Variants in YAP1 observed in about 807,000 individuals in gnomAD.
The protein encoded by YAP1 is transcriptional coactivator YAP1.
YAP1 carries 5 observed loss-of-function variants against 56.9 expected under a neutral mutation model. That is an observed-to-expected ratio of 0.09 (90% CI 0.05 to 0.18). The LOEUF (loss-of-function observed/expected upper bound fraction) is 0.18. Ranked by LOEUF, YAP1 falls within the 10% of genes least tolerant of loss-of-function variation. The pLI, the probability that YAP1 is intolerant of heterozygous loss-of-function variation, is 1.00. For missense variants in YAP1, 539 were observed against 651.8 expected, an observed-to-expected ratio of 0.83 and a Z score of 1.88; for synonymous variants, 265 against 248.1, an observed-to-expected ratio of 1.07 and a Z score of -0.64.
At chr11:102,141,093 C>T (rs1944995425) in intron 2 of YAP1, among the ~76,000 whole-genome samples, 1 of 152,112 alleles carries the variant, frequency 6.6e-6, no homozygotes. Context: ...ATATACATTC[C>T]CTTAAGATTC....
Position 102,227,522 on chromosome 11 carries a change from G to T in YAP1, c.1217G>T (p.Ser406Ile). The T allele has an allele frequency of 6.2e-7, 1 of 1,614,058 alleles. No individual in the cohort carries two copies. The highest frequency in any genetic ancestry group is 8.5e-7 in the Non-Finnish European group (1 of 1,180,002). Residue 406 changes from serine to isoleucine, a missense_variant, in exon 8 of 9, where the codon AGC (serine) becomes ATC (isoleucine). Physicochemically the swap from Ser to Ile is moderately radical, Grantham distance 142. Coordinates refer to ENST00000282441, the MANE Select transcript of YAP1 (RefSeq NM_001130145.3). ...ACAGACAGTGGACTAAGCATGAGCA[G>T]CTACAGTGTCCCTCGAACCCCAGAT... ...ESTDSGLSMSSYSVPRTPDDF... is the reference protein window; with the variant it reads ...ESTDSGLSMSIYSVPRTPDDF...
chr11:102,193,194 T>G (rs1948387848), intron 4 of YAP1, among the ~76,000 whole-genome samples: 1 of 152,238 alleles, frequency 6.6e-6, no homozygotes, highest in African/African-American at 2.4e-5. Flanking sequence ...TAGAGATTGT[T>G]AGTAATTATT....
chr11:102,200,096 A>G (rs553436733), intron 4 of YAP1, among the ~76,000 whole-genome samples: 53 of 152,364 alleles, frequency 3.5e-4, no homozygotes, highest in African/African-American at 1.1e-3. Flanking sequence ...ACATATATAC[A>G]TGTATATAAC....
At chr11:102,164,153 T>C (rs1487402036) in intron 3 of YAP1, among the ~76,000 whole-genome samples, 1 of 151,852 alleles carries the variant, frequency 6.6e-6, no homozygotes, top group African/African-American at 2.4e-5. Flanking sequence ...TTCTCGCGCC[T>C]CAGCCTCCCG....
Position 102,111,090 on chromosome 11 carries a change from C to T in YAP1, c.242C>T (p.Pro81Leu), listed in dbSNP as rs750221817. The T allele has an allele frequency of 6.2e-7, 1 of 1,613,474 alleles. No individual in the cohort carries two copies. Among genetic ancestry groups the T allele is most frequent in the Admixed American group, 1.7e-5 (1 of 60,026 alleles). The change falls in exon 1 of 9, where the codon CCC becomes CTC. Residue 81 changes from proline to leucine, a missense_variant. Physicochemically the swap from Pro to Leu is moderately conservative, Grantham distance 98. This residue lies in a region of YAP1 where 414 missense variants were observed against 512.4 expected (regional missense o/e 0.81). Coordinates refer to ENST00000282441, the MANE Select transcript of YAP1 (RefSeq NM_001130145.3). ...ATGAACCCCAAGACGGCCAACGTGC[C>T]CCAGACCGTGCCCATGAGGCTCCGG... ...AVMNPKTANVPQTVPMRLRKL... is the reference protein window; with the variant it reads ...AVMNPKTANVLQTVPMRLRKL...
chr11:102,229,673 A>T (rs1481220998), intron 8 of YAP1, 29 bp from the exon 9 acceptor site: 7 of 1,599,352 alleles, frequency 4.4e-6, no homozygotes, highest in Non-Finnish European at 6.0e-6. Context: ...TTCAAAAAGG[A>T]CTTTGTTATC....
At chr11:102,198,919 A>G (rs556524883) in intron 4 of YAP1, among the ~76,000 whole-genome samples, 10 of 152,182 alleles carry the variant, frequency 6.6e-5, no homozygotes, top group Non-Finnish European at 1.3e-4. Context: ...TAGACCTTGT[A>G]GGAAAGAGAA....
intron 2 of YAP1, among the ~76,000 whole-genome samples, chr11:102,153,225 G>C (rs1461133247): frequency 6.6e-6 from 1 of 152,040 alleles, no homozygotes; most frequent in Non-Finnish European, 1.5e-5. Flanking sequence ...CATTTTCATA[G>C]TTCATCTTTT....
At chr11:102,122,332 T>C (rs1336516040) in intron 2 of YAP1, among the ~76,000 whole-genome samples, 2 of 151,528 alleles carry the variant, frequency 1.3e-5, no homozygotes, top group Non-Finnish European at 2.9e-5. Context: ...GGCTGAGGCA[T>C]GAGAATCGTT....
chr11:102,183,090 C>T (rs1947724344), intron 3 of YAP1, among the ~76,000 whole-genome samples: 1 of 152,156 alleles, frequency 6.6e-6, no homozygotes, highest in Non-Finnish European at 1.5e-5. Context: ...CAAGTAATTA[C>T]AATTCTACCT....
chr11:102,196,480 C>G (rs1331772406), intron 4 of YAP1, among the ~76,000 whole-genome samples: 1 of 152,118 alleles, frequency 6.6e-6, no homozygotes, highest in Non-Finnish European at 1.5e-5. Context: ...CCATATATTG[C>G]TTAATTCCAT....
chr11:102,168,226 A>G (rs1189272445), intron 3 of YAP1, among the ~76,000 whole-genome samples: 1 of 152,092 alleles, frequency 6.6e-6, no homozygotes. Flanking sequence ...TATGTGTATG[A>G]TATATATTAA....
At chr11:102,223,928 C>A (rs1248052721) in intron 7 of YAP1, among the ~76,000 whole-genome samples, 176 bp downstream of exon 7, 1 of 152,172 alleles carries the variant, frequency 6.6e-6, no homozygotes, top group African/African-American at 2.4e-5. Flanking sequence ...AAGTTGTCTC[C>A]TGTGAGAGGA....
chr11:102,226,170 A>C (rs2058669402), intron 7 of YAP1, among the ~76,000 whole-genome samples: 1 of 152,252 alleles, frequency 6.6e-6, no homozygotes, highest in African/African-American at 2.4e-5. Context: ...AAATACAAAC[A>C]AACCACATCC....
At chr11:102,172,336 G>T (rs1350743167) in intron 3 of YAP1, among the ~76,000 whole-genome samples, 1 of 123,622 alleles carries the variant, frequency 8.1e-6, no homozygotes, top group African/African-American at 3.2e-5. Flanking sequence ...TTTGGACACA[G>T]GGTGTTGCTC....
intron 2 of YAP1, among the ~76,000 whole-genome samples, chr11:102,142,951 T>G (rs982139287): frequency 6.6e-6 from 1 of 152,206 alleles, no homozygotes; most frequent in Admixed American, 6.5e-5. Flanking sequence ...AATACTTAGG[T>G]GTAGTCTCTT....
intron 3 of YAP1, among the ~76,000 whole-genome samples, chr11:102,168,348 G>A (rs1487002520): frequency 6.6e-6 from 1 of 152,102 alleles, no homozygotes; most frequent in Non-Finnish European, 1.5e-5. Context: ...TATGACAAAT[G>A]ACTAGGATCA....
intron 2 of YAP1, among the ~76,000 whole-genome samples, chr11:102,142,009 A>G (rs971140200): frequency 1.3e-5 from 2 of 152,222 alleles, no homozygotes; most frequent in Non-Finnish European, 2.9e-5. Context: ...TCAAGTCTAT[A>G]TATATTTTCT....
intron 2 of YAP1, among the ~76,000 whole-genome samples, chr11:102,119,681 G>C (rs1444513714): frequency 6.8e-6 from 1 of 146,816 alleles, no homozygotes; most frequent in Admixed American, 6.9e-5. Context: ...CCTAAAATAA[G>C]TCCTCTTTAG....
Sources: allele counts gnomAD v4.1 joint callset (sites outside exome capture counted in the v4.1 genomes callset), GRCh38; gene constraint gnomAD v4.1.1; regional missense constraint gnomAD v4.1.1; transcripts MANE v1.5; gene names NCBI Gene and HGNC (gene_info 2026-07-23, HGNC 2026-07-21).